The following NWD2 variants were observed in gnomAD, a reference collection of about 807,000 sequenced individuals.
The protein encoded by NWD2 is NACHT and WD repeat domain containing 2.
A neutral mutation model predicts 132.7 loss-of-function variants in NWD2; 37 were observed. That is an observed-to-expected ratio of 0.28 (90% CI 0.21 to 0.37). NWD2 has a LOEUF of 0.37. NWD2 is among the 10% of genes least tolerant of loss of function. NWD2 has a pLI of 1.00. For missense variants in NWD2, 1,592 were observed against 2,122.4 expected, an observed-to-expected ratio of 0.75 and a Z score of 4.91; for synonymous variants, 705 against 803.0, an observed-to-expected ratio of 0.88 and a Z score of 2.06.
At chr4:37,396,459 G>A (rs534467594) in intron 3 of NWD2, among the ~76,000 whole-genome samples, 13 of 152,264 alleles carry the variant, frequency 8.5e-5, no homozygotes, top group South Asian at 8.3e-4. Flanking sequence ...CTGACTTCAT[G>A]GGCAGCTCTC....
At chr4:37,386,101 C>A (rs1720560402) in intron 3 of NWD2, among the ~76,000 whole-genome samples, 1 of 152,100 alleles carries the variant, frequency 6.6e-6, no homozygotes, top group Non-Finnish European at 1.5e-5. Flanking sequence ...TGATTTTGGA[C>A]ATTTAGGGAT....
chr4:37,441,003 C>T (rs1006425495), intron 6 of NWD2, among the ~76,000 whole-genome samples: 2 of 152,220 alleles, frequency 1.3e-5, no homozygotes, highest in African/African-American at 4.8e-5. Flanking sequence ...CTCTTGAAGA[C>T]AAGAACAGAG....
chr4:37,255,598 A>G (rs562021342), intron 1 of NWD2, among the ~76,000 whole-genome samples: 1 of 152,328 alleles, frequency 6.6e-6, no homozygotes, highest in South Asian at 2.1e-4. Flanking sequence ...CAGAGTCTGA[A>G]TATCTTGGGC....
In NWD2 at chr4:37,445,497, A is replaced by G; in HGVS notation, c.3509A>G (p.Asn1170Ser). 6.4e-7 allele frequency: 1 copy of G among 1,551,844 alleles called. No individual in the cohort carries two copies. The highest frequency in any genetic ancestry group is 8.7e-7 in the Non-Finnish European group (1 of 1,147,034). ...AGTGAAGGAAGTCTTTCTGTTTGGAATACTGAGGACATTTCCAGCCCCCAG... is the reference window on the plus strand; with the variant it reads ...AGTGAAGGAAGTCTTTCTGTTTGGAGTACTGAGGACATTTCCAGCCCCCAG... The part of the protein sequence containing the change: ...VDSEGSLSVW[N>S]TEDISSPQLT... The change falls in exon 7 of 7, where the codon AAT (asparagine) becomes AGT (serine). Residue 1170 changes from asparagine to serine, a missense_variant. Physicochemically the swap from Asn to Ser is conservative, Grantham distance 46 (BLOSUM62 1). This residue lies in a region of NWD2 where 1,071 missense variants were observed against 1,398.0 expected (regional missense o/e 0.77). Coordinates refer to ENST00000309447, the MANE Select transcript of NWD2 (RefSeq NM_001144990.2). The surrounding 1 kb of genome is among the most constrained non-coding windows in gnomAD (Gnocchi z 4.7).
chr4:37,423,723 T>C (rs1271719057), intron 3 of NWD2, among the ~76,000 whole-genome samples: 2 of 152,268 alleles, frequency 1.3e-5, no homozygotes, highest in East Asian at 3.9e-4. Context: ...AGAAACAACA[T>C]CACATACCTA....
At chr4:37,301,527 G>A (rs1718612008) in intron 1 of NWD2, among the ~76,000 whole-genome samples, 1 of 151,448 alleles carries the variant, frequency 6.6e-6, no homozygotes, top group South Asian at 2.1e-4. Flanking sequence ...TTCTCTTGGT[G>A]TGATGAATTC....
At chr4:37,381,891 G>A (rs77825728) in intron 3 of NWD2, among the ~76,000 whole-genome samples, 58 of 152,288 alleles carry the variant, frequency 3.8e-4, no homozygotes, top group Non-Finnish European at 6.9e-4. Flanking sequence ...CAAAAGAATT[G>A]ATGTTGAAGA....
intron 1 of NWD2, among the ~76,000 whole-genome samples, chr4:37,269,758 T>C (rs1717831070): frequency 6.6e-6 from 1 of 151,900 alleles, no homozygotes; most frequent in African/African-American, 2.4e-5. Context: ...TTACACGTTA[T>C]CTTTTTGATG....
intron 2 of NWD2, among the ~76,000 whole-genome samples, chr4:37,333,960 A>G (rs1436750577): frequency 6.6e-6 from 1 of 152,042 alleles, no homozygotes; most frequent in Non-Finnish European, 1.5e-5. Context: ...TACCAGCAGA[A>G]TTGATCAAGC....
chr4:37,260,172 A>C (rs1047533579), intron 1 of NWD2, among the ~76,000 whole-genome samples: 3 of 152,180 alleles, frequency 2.0e-5, no homozygotes, highest in Non-Finnish European at 4.4e-5. Context: ...TCATGTGTGC[A>C]TGAGGTGTGA....
In NWD2 at chr4:37,321,426, T is replaced by A. The variant is rs1413816080; in HGVS notation, c.152-4510T>A. On this transcript the variant is annotated intron_variant, in intron 1 of 6. Transcript: ENST00000309447. ...CATTAACTCTGAAATCACAAAGGAA[T>A]CATTCAGAAAGCAGCTCCTTAAATA... is the stretch of plus-strand genomic sequence containing the variant. Among the ~76,000 whole-genome samples the A allele has an allele frequency of 2.6e-5, 4 of 152,218 alleles. No individual in the cohort carries two copies. The East Asian group carries it at 7.7e-4, about 29-fold the overall frequency.
At chr4:37,436,687 A>T (rs1262163546) in intron 5 of NWD2, among the ~76,000 whole-genome samples, 1 of 152,154 alleles carries the variant, frequency 6.6e-6, no homozygotes, top group East Asian at 1.9e-4. Flanking sequence ...CTTTCTCTTC[A>T]TGATGCTCTC....
chr4:37,416,206 C>A (rs1050751855), intron 3 of NWD2, among the ~76,000 whole-genome samples: 4 of 152,342 alleles, frequency 2.6e-5, no homozygotes, highest in African/African-American at 9.6e-5. Flanking sequence ...GCCAACTGGA[C>A]AGCAGCTGTG....
At chr4:37,356,742 A>G (rs1225458719) in intron 3 of NWD2, among the ~76,000 whole-genome samples, 3 of 152,210 alleles carry the variant, frequency 2.0e-5, no homozygotes, top group Non-Finnish European at 2.9e-5. Flanking sequence ...AACAATTTCT[A>G]CAACACCTTG....
At chr4:37,314,259 G>A (rs1237292479) in intron 1 of NWD2, among the ~76,000 whole-genome samples, 3 of 152,070 alleles carry the variant, frequency 2.0e-5, no homozygotes, top group Non-Finnish European at 4.4e-5. Context: ...TTTGTTTTGT[G>A]TTTTTTTCTT....
At chr4:37,377,301 A>C (rs1560407919) in intron 3 of NWD2, among the ~76,000 whole-genome samples, 1 of 152,106 alleles carries the variant, frequency 6.6e-6, no homozygotes, top group Non-Finnish European at 1.5e-5. Context: ...AGAGAAGATA[A>C]TTTTTTTTGA....
rs993092615 is a variant in NWD2 at position 37,434,833 on chromosome 4, G to T, written c.706+813G>T. ...CAGAGAGGGAGAGATGAGGATAGAA[G>T]TTGGGCACAGGCCATAATAGGAAGC... On this transcript the variant is annotated intron_variant, in intron 5 of 6. Transcript: ENST00000309447. Among the ~76,000 whole-genome samples the T allele has an allele frequency of 2.0e-5, 3 of 149,474 alleles. No individual in the cohort carries two copies. The Admixed American group carries it at 2.0e-4, about 10-fold the overall frequency.
At position 37,444,515 on chromosome 4, in the gene NWD2, A is replaced by T; in HGVS notation, c.2527A>T (p.Arg843Trp). The T allele has an allele frequency of 6.4e-7, 1 of 1,551,792 alleles. No individual in the cohort carries two copies. The highest frequency in any genetic ancestry group is 8.7e-7 in the Non-Finnish European group (1 of 1,147,026). Residue 843 changes from arginine (R) to tryptophan (W), a missense_variant, in exon 7 of 7, where the codon AGG becomes TGG. Coordinates refer to ENST00000309447, the MANE Select transcript of NWD2 (RefSeq NM_001144990.2). This position sits in a 1 kb window ranked among gnomAD's most constrained non-coding sequence, Gnocchi z 4.8. ...GTCTGAGCTGTTGTACCACTTGACGAGGTGTGGAAAAACCGATGACCTGCT... is the reference window on the plus strand; with the variant it reads ...GTCTGAGCTGTTGTACCACTTGACGTGGTGTGGAAAAACCGATGACCTGCT... Reference protein sequence around the residue: ...KMSELLYHLTRCGKTDDLLYG... With the variant: ...KMSELLYHLTWCGKTDDLLYG...
intron 1 of NWD2, among the ~76,000 whole-genome samples, chr4:37,311,434 T>A (rs1161249900): frequency 1.3e-5 from 2 of 151,548 alleles, no homozygotes; most frequent in African/African-American, 4.9e-5. Context: ...AATGTCTTCT[T>A]TTGAGAAGTG....
Sources: gnomAD v4.1 joint callset for allele counts (sites outside exome capture counted in the v4.1 genomes callset) on GRCh38, gnomAD v4.1.1 for gene constraint, gnomAD v4.1.1 regional missense constraint, Gnocchi (gnomAD v3.1) non-coding constraint, MANE v1.5 for transcripts, NCBI Gene and HGNC (gene_info 2026-07-23, HGNC 2026-07-21) for gene names.